The following BLM variants were observed in gnomAD, a reference collection of about 807,000 sequenced individuals.
BLM encodes BLM RecQ like helicase, also known as recQ-like DNA helicase BLM.
BLM carries 95 observed loss-of-function variants against 135.3 expected under a neutral mutation model. The ratio of observed to expected loss-of-function variants is 0.70; its 90% CI spans 0.59 to 0.83. The LOEUF is 0.83. Among genes scored for constraint, BLM ranks in the 40% least tolerant of loss-of-function variants. BLM has a pLI of 0.00. For synonymous variants in BLM, 520 were observed against 589.2 expected (o/e 0.88, Z 1.70); for missense variants, 1,518 against 1,663.9 (o/e 0.91, Z 1.53).
intron 16 of BLM, among the ~76,000 whole-genome samples, chr15:90,796,000 G>A (rs1028636255): frequency 6.6e-6 from 1 of 152,164 alleles, no homozygotes; most frequent in East Asian, 1.9e-4. Flanking sequence ...TAAGGTGGGG[G>A]TGTGCCTGGT....
In BLM at chr15:90,789,989, T is replaced by TTTTTTTTTG. The variant is rs1567056100; in HGVS notation, c.2824-652_2824-651insGTTTTTTTT. 2.5e-4 allele frequency among the ~76,000 whole-genome samples: 7 copies of TTTTTTTTTG among 28,460 alleles called. 1 individual carries two copies. Among genetic ancestry groups the TTTTTTTTTG allele is most frequent in the African/African-American group, 1.6e-3 (7 of 4,300 alleles). 18.7% of individuals were successfully genotyped at this position (28,460 alleles called of 152,430 possible). On this transcript the variant is annotated intron_variant, in intron 14 of 21. Coordinates refer to ENST00000355112, the MANE Select transcript of BLM (RefSeq NM_000057.4). The stretch of plus-strand genomic sequence containing the variant: ...GTCTAAGATCCGCAGTCCCTGGTGT[T>TTTTTTTTTG]TTTTTTTTTTTTTTTTTTTTTTTTT...
At chr15:90,814,263 G>T (rs1006392857) in intron 21 of BLM, among the ~76,000 whole-genome samples, 1 of 152,170 alleles carries the variant, frequency 6.6e-6, no homozygotes, top group Non-Finnish European at 1.5e-5. Flanking sequence ...GACATCAGCC[G>T]GTTACAGAGC....
rs2151199889 is a variant in BLM at position 90,811,320 on chromosome 15, C to G, written c.3990C>G (p.Thr1330=). ...PVSSHYFASK[T]RNERKRKKMP... is the part of the protein sequence containing the mutation. ...CTTCCCACTACTTTGCAAGTAAAAC[C>G]AGAAATGAAAGGAAGAGGAAAAAGA... The change falls in exon 21 of 22, where the codon ACC becomes ACG. Residue 1330 remains threonine (T), a synonymous_variant. Transcript: ENST00000355112. The G allele has an allele frequency of 6.2e-7, 1 of 1,614,100 alleles. No individual in the cohort carries two copies. Among genetic ancestry groups the G allele is most frequent in the Non-Finnish European group, 8.5e-7 (1 of 1,180,032 alleles).
intron 9 of BLM, among the ~76,000 whole-genome samples, chr15:90,766,467 G>A (rs966988129): frequency 3.9e-5 from 6 of 151,970 alleles, no homozygotes; most frequent in African/African-American, 9.7e-5. Context: ...TTGTTCTGTT[G>A]CCCAGGCTGG....
At position 90,760,212 on chromosome 15, in the gene BLM, A is replaced by G. The variant is rs1895934308; in HGVS notation, c.1153A>G (p.Thr385Ala). The change falls in exon 6 of 22, where the codon ACT becomes GCT. Residue 385 changes from threonine (T) to alanine (A), a missense_variant. Thr to Ala is a moderately conservative substitution (Grantham distance 58). This residue lies in a region of BLM where 724 missense variants were observed against 756.9 expected (regional missense o/e 0.96). Coordinates refer to ENST00000355112, the MANE Select transcript of BLM (RefSeq NM_000057.4). ...GGAGCACATCTGTAAATTAATTGAT[A>G]CTATTCCTGATGATAAACTGAAACT... The part of the protein sequence containing the change: ...VMEHICKLID[T>A]IPDDKLKLLD... 1 of 1,613,770 alleles carries G rather than the reference A, an allele frequency of 6.2e-7. No homozygotes were observed. Among genetic ancestry groups the G allele is most frequent in the South Asian group, 1.1e-5 (1 of 91,074 alleles).
intron 4 of BLM, among the ~76,000 whole-genome samples, chr15:90,752,345 T>C (rs1472814625): frequency 1.3e-5 from 2 of 152,060 alleles, no homozygotes; most frequent in Admixed American, 1.3e-4. Context: ...CTGGCTAATT[T>C]TTTGTATTTT....
rs772506214 is a variant in BLM, at chr15:90,804,276, C to G, written c.3668C>G (p.Thr1223Arg). ...EMVKKCLGEL[T>R]EVCKSLGKVF... is the part of the protein sequence containing the mutation. ...GTTAAAAAATGTCTTGGAGAACTTA[C>G]AGAAGTCTGCAAATCTCTGGGGAAA... Residue 1223 changes from threonine to arginine, a missense_variant, in exon 19 of 22, where the codon ACA (threonine) becomes AGA (arginine). Transcript: ENST00000355112. 3 of 1,614,066 alleles carry G rather than the reference C, an allele frequency of 1.9e-6. No individual in the cohort carries two copies. Among genetic ancestry groups the G allele is most frequent in the Non-Finnish European group, 2.5e-6 (3 of 1,179,924 alleles).
intron 1 of BLM, among the ~76,000 whole-genome samples, chr15:90,719,786 T>A (rs1894718273): frequency 6.6e-6 from 1 of 152,082 alleles, no homozygotes; most frequent in Non-Finnish European, 1.5e-5. Context: ...AAGAGAAAAA[T>A]GGATAGAATA....
At position 90,749,923 on chromosome 15, in the gene BLM, G is replaced by C. The variant is rs190228320; in HGVS notation, c.655G>C (p.Asp219His). 1.2e-6 allele frequency: 2 copies of C among 1,613,774 alleles called. No individual in the cohort carries two copies. The highest frequency in any genetic ancestry group is 4.5e-5 in the East Asian group (2 of 44,872). ...ACCCTCCTCTGAAAGCGAGCAAATAGATTTGACTGAGGAACAGAAGGATGA... is the reference window on the plus strand; with the variant it reads ...ACCCTCCTCTGAAAGCGAGCAAATACATTTGACTGAGGAACAGAAGGATGA... ...PPPSSESEQI[D>H]LTEEQKDDSE... is the part of the protein sequence containing the mutation. The change falls in exon 3 of 22, where the codon GAT becomes CAT. Residue 219 changes from aspartate to histidine, a missense_variant. Physicochemically the swap from Asp to His is moderately conservative, Grantham distance 81. Around this residue, in one of 5 missense-constraint regions of BLM, gnomAD observed 724 missense variants for 756.9 expected, o/e 0.96. Transcript: ENST00000355112.
intron 1 of BLM, among the ~76,000 whole-genome samples, chr15:90,730,117 G>C (rs1479727927): frequency 6.6e-6 from 1 of 152,118 alleles, no homozygotes; most frequent in African/African-American, 2.4e-5. Context: ...GCCTCCCAAA[G>C]TGCTGGGATT....
chr15:90,732,247 C>T (rs554101557), intron 1 of BLM, among the ~76,000 whole-genome samples: 1 of 152,176 alleles, frequency 6.6e-6, no homozygotes, highest in East Asian at 1.9e-4. Context: ...TTCTAGATCT[C>T]ATTTTCTTTA....
Position 90,811,291 on chromosome 15 carries a change from G to T in BLM, c.3961G>T (p.Val1321Leu). 6.2e-7 allele frequency: 1 copy of T among 1,614,040 alleles called. No homozygotes were observed. Among genetic ancestry groups the T allele is most frequent in the Non-Finnish European group, 8.5e-7 (1 of 1,180,008 alleles). Residue 1321 changes from valine (V) to leucine (L), a missense_variant, in exon 21 of 22, where the codon GTA becomes TTA. By Grantham distance (32) the Val-to-Leu change is conservative (BLOSUM62 1). This residue lies in a region of BLM where 153 missense variants were observed against 173.4 expected (regional missense o/e 0.88). Coordinates refer to ENST00000355112, the MANE Select transcript of BLM (RefSeq NM_000057.4). ...AAEELDEEIP[V>L]SSHYFASKTR... ...TGAGGAGCTCGACGAGGAAATACCC[G>T]TATCTTCCCACTACTTTGCAAGTAA... is the stretch of plus-strand genomic sequence containing the variant.
chr15:90,729,887 C>T (rs1596200473), intron 1 of BLM, among the ~76,000 whole-genome samples: 1 of 152,136 alleles, frequency 6.6e-6, no homozygotes, highest in East Asian at 1.9e-4. Flanking sequence ...GCTCTATCGC[C>T]CAGGCTGGAG....
chr15:90,787,631 G>T (rs914856513), intron 14 of BLM, among the ~76,000 whole-genome samples: 2 of 152,092 alleles, frequency 1.3e-5, no homozygotes, highest in African/African-American at 4.8e-5. Flanking sequence ...TAAGATCACA[G>T]GGTGAGATGA....
At chr15:90,772,821 G>A (rs1896358091) in intron 12 of BLM, among the ~76,000 whole-genome samples, 1 of 152,098 alleles carries the variant, frequency 6.6e-6, no homozygotes, top group Non-Finnish European at 1.5e-5. Context: ...GCATAGGTTG[G>A]GCATGGTGAC....
chr15:90,753,244 C>T (rs1895735398), intron 4 of BLM, among the ~76,000 whole-genome samples: 1 of 152,066 alleles, frequency 6.6e-6, no homozygotes, highest in African/African-American at 2.4e-5. Context: ...AGACCCTCAT[C>T]TCTAAAAAAT....
intron 12 of BLM, among the ~76,000 whole-genome samples, chr15:90,773,881 A>G (rs1054573129): frequency 2.6e-5 from 4 of 151,858 alleles, no homozygotes; most frequent in Non-Finnish European, 5.9e-5. Context: ...CCCATTCATC[A>G]TTTGATGGAT....
In BLM at chr15:90,749,406, T is replaced by C. The variant is rs1895600929; in HGVS notation, c.138T>C (p.Asn46=). ...AAAAGAAAACATCTTCAGATAACAA[T>C]GTATCTGTAACTAATGTGTCAGTAG... ...TFKKKTSSDN[N]VSVTNVSVAK... is the part of the protein sequence containing the mutation. Residue 46 remains asparagine (N), a synonymous_variant, in exon 3 of 22, where the codon AAT becomes AAC. Coordinates refer to ENST00000355112, the MANE Select transcript of BLM (RefSeq NM_000057.4). 6.2e-7 allele frequency: 1 copy of C among 1,607,848 alleles called. No homozygotes were observed. Among genetic ancestry groups the C allele is most frequent in the Non-Finnish European group, 8.5e-7 (1 of 1,174,648 alleles).
chr15:90,721,145 G>A, intron 1 of BLM, among the ~76,000 whole-genome samples: 1 of 152,102 alleles, frequency 6.6e-6, no homozygotes, highest in Non-Finnish European at 1.5e-5. Flanking sequence ...TAATAGGTAT[G>A]AAATGATGCT....
Sources: gnomAD v4.1 joint callset for allele counts (sites outside exome capture counted in the v4.1 genomes callset) on GRCh38, gnomAD v4.1.1 for gene constraint, gnomAD v4.1.1 regional missense constraint, MANE v1.5 for transcripts, NCBI Gene and HGNC (gene_info 2026-07-23, HGNC 2026-07-21) for gene names.